The following ACER1 variants were observed in gnomAD, a reference collection of about 807,000 sequenced individuals.
ACER1 encodes alkaline ceramidase 1, also known as CTB-180A7.3.
Under a neutral mutation model 24.9 loss-of-function variants are expected in ACER1, and 28 were observed. The ratio of observed to expected loss-of-function variants is 1.13; its 90% CI spans 0.83 to 1.54. The LOEUF is 1.54. ACER1 is among the 40% of genes most tolerant of loss of function. ACER1 has a pLI of 0.00. For synonymous variants in ACER1, 132 were observed against 131.4 expected (o/e 1.00, Z -0.03); for missense variants, 352 against 349.3 (o/e 1.01, Z -0.06).
intron 2 of ACER1, 27 bp downstream of exon 2, chr19:6,312,358 T>C (rs2091586242): frequency 1.9e-6 from 3 of 1,613,602 alleles, no homozygotes; most frequent in African/African-American, 1.3e-5. Flanking sequence ...CTCCCGACTG[T>C]CACAGACCTG....
At chr19:6,309,073 C>T (rs1453306112) in intron 4 of ACER1, among the ~76,000 whole-genome samples, 1 of 152,026 alleles carries the variant, frequency 6.6e-6, no homozygotes, top group African/African-American at 2.4e-5. Flanking sequence ...GTGGCATACA[C>T]CTGTACTCCC....
At chr19:6,349,596 G>A in the ACER1 span, among the ~76,000 whole-genome samples, 1 of 152,290 alleles carries the variant, frequency 6.6e-6, no homozygotes, top group South Asian at 2.1e-4. Flanking sequence ...CATGGACAAA[G>A]CCTTGGCTAA....
chr19:6,315,704 G>A (rs748762837), intron 1 of ACER1, among the ~76,000 whole-genome samples: 27 of 151,950 alleles, frequency 1.8e-4, no homozygotes, highest in Non-Finnish European at 3.5e-4. Flanking sequence ...TTGTACAGAT[G>A]GGATTTGGCC....
At chr19:6,328,591 A>G (rs2091672601) in intron 1 of ACER1, among the ~76,000 whole-genome samples, 1 of 151,756 alleles carries the variant, frequency 6.6e-6, no homozygotes, top group Non-Finnish European at 1.5e-5. Context: ...TATGTCTGTA[A>G]TCCTATCACT....
chr19:6,341,538 G>A, the ACER1 span, among the ~76,000 whole-genome samples: 7 of 142,086 alleles, frequency 4.9e-5, no homozygotes, highest in Non-Finnish European at 6.1e-5. Flanking sequence ...AAAAAAAAAA[G>A]AAAAAAAAAG....
At chr19:6,351,355 A>C in the ACER1 span, among the ~76,000 whole-genome samples, 1 of 151,228 alleles carries the variant, frequency 6.6e-6, no homozygotes, top group African/African-American at 2.4e-5. Context: ...AAAAAGAGTG[A>C]AACTCCGTCT....
intron 3 of ACER1, among the ~76,000 whole-genome samples, chr19:6,311,775 G>T (rs557300022): frequency 1.4e-4 from 21 of 151,202 alleles, no homozygotes; most frequent in Admixed American, 4.6e-4. Flanking sequence ...GACCCAGGGG[G>T]TCTAAGCAGA....
intron 1 of ACER1, among the ~76,000 whole-genome samples, chr19:6,314,743 G>T (rs2091595241): frequency 6.6e-6 from 1 of 152,062 alleles, no homozygotes; most frequent in Non-Finnish European, 1.5e-5. Context: ...TCTACCCAAA[G>T]GAAACGAAAT....
the ACER1 span, chr19:6,343,730 T>TTGC: frequency 1.3e-5 from 2 of 151,794 alleles, 1 homozygote; most frequent in East Asian, 3.9e-4. Context: ...GATGAAAGGG[T>TTGC]TGCTGGGAAA....
intron 1 of ACER1, among the ~76,000 whole-genome samples, chr19:6,326,836 C>T (rs575385344): frequency 6.6e-6 from 1 of 151,160 alleles, no homozygotes; most frequent in African/African-American, 2.4e-5. Context: ...ACGTTTCCAA[C>T]ATTCTAACCA....
intron 1 of ACER1, among the ~76,000 whole-genome samples, chr19:6,326,273 G>A (rs1185988758): frequency 5.3e-5 from 8 of 151,906 alleles, no homozygotes; most frequent in Admixed American, 3.3e-4. Flanking sequence ...GACCACAGGC[G>A]CCCACCACAA....
chr19:6,350,435 G>A, the ACER1 span, among the ~76,000 whole-genome samples: 3 of 152,236 alleles, frequency 2.0e-5, no homozygotes, highest in South Asian at 4.1e-4. Flanking sequence ...GCTGGGCATG[G>A]TGGCGCATGC....
chr19:6,307,048 C>T, intron 5 of ACER1, 105 bp downstream of exon 5: 5 of 1,541,840 alleles, frequency 3.2e-6, no homozygotes, highest in African/African-American at 1.4e-5. Flanking sequence ...GTCTGGCTCT[C>T]CTCTCTCTGC....
rs369687886 is a variant in ACER1, at chr19:6,313,301, T to C, written c.94-802A>G. ...ACCTGGCTAATTTTCTTTTATTTTT[T>C]GTAGAGAAGGGGTCTCACTATGTCA... On this transcript the variant is annotated intron_variant, in intron 1 of 5. Coordinates refer to ENST00000301452, the MANE Select transcript of ACER1 (RefSeq NM_133492.3). Among the ~76,000 whole-genome samples, 50 of 152,128 alleles carry C rather than the reference T, an allele frequency of 3.3e-4. No individual in the cohort carries two copies. In the Middle Eastern group the frequency reaches 0.01, roughly 31 times the overall value.
chr19:6,354,924 C>T, the ACER1 span, among the ~76,000 whole-genome samples: 1 of 152,180 alleles, frequency 6.6e-6, no homozygotes, highest in Non-Finnish European at 1.5e-5. Flanking sequence ...GCCTCCCTGC[C>T]TGATTCTCCT....
the ACER1 span, among the ~76,000 whole-genome samples, chr19:6,354,759 CA>C: frequency 6.6e-6 from 1 of 152,124 alleles, no homozygotes; most frequent in Non-Finnish European, 1.5e-5. Context: ...GTCTCTACAA[CA>C]AAAACTTTAA....
chr19:6,330,439 A>T (rs2091681626), intron 1 of ACER1, among the ~76,000 whole-genome samples: 1 of 150,294 alleles, frequency 6.7e-6, no homozygotes, highest in Admixed American at 6.6e-5. Context: ...AAGTGCTGGG[A>T]TTACAGGCAT....
At chr19:6,345,251 A>G in the ACER1 span, among the ~76,000 whole-genome samples, 1 of 152,080 alleles carries the variant, frequency 6.6e-6, no homozygotes, top group African/African-American at 2.4e-5. Context: ...GCACACGGTC[A>G]CACCCATTTG....
intron 1 of ACER1, among the ~76,000 whole-genome samples, chr19:6,329,997 A>G (rs930365020): frequency 1.3e-5 from 2 of 150,242 alleles, no homozygotes; most frequent in African/African-American, 4.9e-5. Flanking sequence ...CAGCCTCCCG[A>G]GTAGCTGGGA....
Sources: gnomAD v4.1 joint callset for allele counts (sites outside exome capture counted in the v4.1 genomes callset) on GRCh38, gnomAD v4.1.1 for gene constraint, MANE v1.5 for transcripts, NCBI Gene and HGNC (gene_info 2026-07-23, HGNC 2026-07-21) for gene names.